The following CHM variants were observed in gnomAD, a reference collection of about 807,000 sequenced individuals.
The protein encoded by CHM is rab proteins geranylgeranyltransferase component A 1.
Under a neutral mutation model 49.0 loss-of-function variants are expected in CHM, and 10 were observed. That is an observed-to-expected ratio of 0.20 (90% CI 0.13 to 0.35). The LOEUF (loss-of-function observed/expected upper bound fraction) is 0.35. CHM is among the 10% of genes least tolerant of loss of function. CHM has a pLI of 1.00. For missense variants in CHM, 455 were observed against 478.4 expected, an observed-to-expected ratio of 0.95 and a Z score of 0.46; for synonymous variants, 184 against 167.5, an observed-to-expected ratio of 1.10 and a Z score of -0.76.
chrX:86,036,984 G>GT (rs1934272315), intron 1 of CHM, among the ~76,000 whole-genome samples: 1 of 110,430 alleles, frequency 9.1e-6, no homozygotes, highest in Non-Finnish European at 1.9e-5. Flanking sequence ...GTAGCATCCT[G>GT]TTTTTTATCT....
At chrX:85,903,594 C>T (rs1926412252) in intron 9 of CHM, 1 of 384,210 alleles carries the variant, frequency 2.6e-6, no homozygotes, top group Admixed American at 2.6e-5. Flanking sequence ...TATGCTGATG[C>T]TTCTAAAGAA....
chrX:85,941,879 C>G (rs1221437865), intron 8 of CHM, among the ~76,000 whole-genome samples: 1 of 111,525 alleles, frequency 9.0e-6, no homozygotes, highest in African/African-American at 3.3e-5. Context: ...TGGTTAAAAA[C>G]AATCACAGTA....
intron 4 of CHM, chrX:85,970,118 G>A (rs1385105782): frequency 4.0e-5 from 7 of 174,187 alleles, no homozygotes; most frequent in Non-Finnish European, 3.6e-5. Flanking sequence ...AATAATAAAG[G>A]TTTAAGGTGA....
intron 2 of CHM, among the ~76,000 whole-genome samples, chrX:85,988,682 C>A (rs900651224): frequency 3.6e-5 from 4 of 111,481 alleles, no homozygotes; most frequent in African/African-American, 1.3e-4. Flanking sequence ...GTTCAAAAAT[C>A]CCTACCATTC....
chrX:85,913,991 A>C (rs1927293812), intron 8 of CHM, among the ~76,000 whole-genome samples: 1 of 111,551 alleles, frequency 9.0e-6, no homozygotes, highest in South Asian at 3.9e-4. Flanking sequence ...GGGTTGCCAA[A>C]CACCAAAACT....
intron 8 of CHM, among the ~76,000 whole-genome samples, chrX:85,947,017 C>T (rs1227395734): frequency 2.7e-5 from 3 of 112,406 alleles, no homozygotes; most frequent in Non-Finnish European, 5.6e-5. Flanking sequence ...ATACTTAAAC[C>T]CCCATTGTAT....
intron 9 of CHM, 49 bp from the exon 10 acceptor site, chrX:85,901,237 A>C: frequency 1.3e-6 from 1 of 787,461 alleles, no homozygotes; most frequent in Non-Finnish European, 1.8e-6. Flanking sequence ...ATGATTAAAT[A>C]ATTGAGAAAA....
intron 1 of CHM, among the ~76,000 whole-genome samples, chrX:86,044,173 G>C (rs755811377): frequency 3.8e-4 from 43 of 111,860 alleles, no homozygotes; most frequent in Admixed American, 6.6e-4. Context: ...ACTTCACAAG[G>C]GAAGGGACTA....
At chrX:85,947,053 T>C (rs1248952279) in intron 8 of CHM, among the ~76,000 whole-genome samples, 1 of 112,410 alleles carries the variant, frequency 8.9e-6, no homozygotes, top group Non-Finnish European at 1.9e-5. Context: ...CTTGTTTTGA[T>C]TTTATAGGCC....
At position 85,958,890 on chromosome X, in the gene CHM, G is replaced by C. The variant is rs780605567; in HGVS notation, c.790C>G (p.Leu264Val). The change falls in exon 6 of 15, where the codon CTT (leucine) becomes GTT (valine). Residue 264 changes from leucine to valine, a missense_variant. Transcript: ENST00000357749. ...TCCACTCGTCCTTCTCGAAATGCAAGAATCCTGGTAATATTTTTAAACTCT... is the reference window on the plus strand; with the variant it reads ...TCCACTCGTCCTTCTCGAAATGCAACAATCCTGGTAATATTTTTAAACTCT... ...YAEFKNITRI[L>V]AFREGRVEQV... 1 of 1,211,258 alleles carries C rather than the reference G, an allele frequency of 8.3e-7. No individual in the cohort carries two copies. Among genetic ancestry groups the C allele is most frequent in the South Asian group, 1.8e-5 (1 of 56,958 alleles).
At chrX:86,030,691 A>G (rs774055678) in intron 1 of CHM, among the ~76,000 whole-genome samples, 1 of 111,138 alleles carries the variant, frequency 9.0e-6, no homozygotes, top group Admixed American at 9.5e-5. Context: ...CTGTAGAGGG[A>G]GTCATGGAAA....
intron 4 of CHM, among the ~76,000 whole-genome samples, chrX:85,977,236 T>C (rs1036649118): frequency 1.8e-5 from 2 of 112,272 alleles, no homozygotes; most frequent in Non-Finnish European, 3.8e-5. Context: ...ATGACATTAA[T>C]AACCAGCTAA....
Position 85,901,141 on chromosome X carries a change from T to C in CHM, c.1292A>G (p.His431Arg). 1 of 1,202,895 alleles carries C rather than the reference T, an allele frequency of 8.3e-7. No homozygotes were observed. Among genetic ancestry groups the C allele is most frequent in the Non-Finnish European group, 1.1e-6 (1 of 890,096 alleles). The change falls in exon 10 of 15, where the codon CAT becomes CGT. Residue 431 changes from histidine to arginine, a missense_variant. By Grantham distance (29) the His-to-Arg change is conservative (BLOSUM62 0). Transcript: ENST00000357749. ...AAAGTAACTGTCCTCCACGAGGAAA[T>C]GCTCAGAGATTATTCTCTGACCAAA... is the stretch of plus-strand genomic sequence containing the variant. Reference protein sequence around the residue: ...DQFGQRIISEHFLVEDSYFPE... With the variant: ...DQFGQRIISERFLVEDSYFPE...
intron 2 of CHM, among the ~76,000 whole-genome samples, chrX:85,985,457 C>T (rs1190230826): frequency 8.9e-6 from 1 of 112,268 alleles, no homozygotes; most frequent in African/African-American, 3.2e-5. Flanking sequence ...ACCATCTTTG[C>T]TCTTTGGATG....
chrX:86,008,221 C>A (rs1341776702), intron 2 of CHM, among the ~76,000 whole-genome samples: 1 of 111,373 alleles, frequency 9.0e-6, no homozygotes, highest in Admixed American at 9.5e-5. Context: ...ATCACTTGGA[C>A]ACAGGGCGAG....
intron 2 of CHM, among the ~76,000 whole-genome samples, chrX:86,020,258 T>A (rs1266493967): frequency 9.0e-6 from 1 of 111,332 alleles, no homozygotes; most frequent in African/African-American, 3.3e-5. Flanking sequence ...TGTGAAGCTT[T>A]CCACAAATCT....
chrX:85,967,800 C>T (rs1344997261), intron 4 of CHM, among the ~76,000 whole-genome samples: 1 of 111,080 alleles, frequency 9.0e-6, no homozygotes, highest in African/African-American at 3.3e-5. Flanking sequence ...TCACTAATTG[C>T]CAAAATTCAT....
At chrX:85,938,043 C>T (rs1363898917) in intron 8 of CHM, among the ~76,000 whole-genome samples, 3 of 111,386 alleles carry the variant, frequency 2.7e-5, no homozygotes, top group East Asian at 2.8e-4. Context: ...TCTGTCAAAA[C>T]GTAAGGAATA....
chrX:85,878,202 G>A (rs763285165), intron 13 of CHM, among the ~76,000 whole-genome samples: 5 of 112,243 alleles, frequency 4.5e-5, no homozygotes, highest in African/African-American at 1.3e-4. Context: ...ATTAGAGGCT[G>A]GATGCAGTGG....
Sources: gnomAD v4.1 joint callset for allele counts (sites outside exome capture counted in the v4.1 genomes callset) on GRCh38, gnomAD v4.1.1 for gene constraint, MANE v1.5 for transcripts, NCBI Gene and HGNC (gene_info 2026-07-23, HGNC 2026-07-21) for gene names.